Variants in MAP2 observed in about 807,000 individuals in gnomAD.
MAP2 encodes microtubule associated protein 2.
In MAP2, 14 loss-of-function variants were observed where a neutral mutation model predicts 137.6. The ratio of observed to expected loss-of-function variants is 0.10; its 90% confidence interval spans 0.07 to 0.16. The LOEUF is 0.16. MAP2 is among the 10% of genes least tolerant of loss of function. MAP2 has a pLI of 1.00. For synonymous variants in MAP2, 786 were observed against 782.3 expected (o/e 1.00, Z -0.08); for missense variants, 2,088 against 2,191.5 (o/e 0.95, Z 0.94).
At chr2:209,619,004 A>G (rs1050232027) in intron 3 of MAP2, among the ~76,000 whole-genome samples, 2 of 152,206 alleles carry the variant, frequency 1.3e-5, no homozygotes, top group East Asian at 3.8e-4. Flanking sequence ...ATTATGTTAC[A>G]TGAAATAAGA....
chr2:209,460,901 A>G (rs896124150), intron 1 of MAP2, among the ~76,000 whole-genome samples: 3 of 151,866 alleles, frequency 2.0e-5, no homozygotes, highest in African/African-American at 4.8e-5. Context: ...GGCACGCACC[A>G]CCACACCCAG....
chr2:209,712,427 G>A (rs2065817031), intron 13 of MAP2, among the ~76,000 whole-genome samples: 1 of 152,152 alleles, frequency 6.6e-6, no homozygotes, highest in Non-Finnish European at 1.5e-5. Flanking sequence ...CATCAGGCAA[G>A]TGTTAACCTG....
chr2:209,526,285 T>C (rs1421008577), intron 2 of MAP2, among the ~76,000 whole-genome samples: 2 of 151,978 alleles, frequency 1.3e-5, no homozygotes, highest in African/African-American at 2.4e-5. Flanking sequence ...CTCATGAAAA[T>C]GCAGAAAATT....
intron 7 of MAP2, among the ~76,000 whole-genome samples, chr2:209,686,491 T>C (rs1173722833): frequency 6.6e-6 from 1 of 152,174 alleles, no homozygotes; most frequent in Non-Finnish European, 1.5e-5. Context: ...ACTGTACAGA[T>C]AGATACTATA....
At chr2:209,640,034 C>T (rs73071097) in intron 4 of MAP2, among the ~76,000 whole-genome samples, 4,931 of 152,106 alleles carry the variant, frequency 0.032, 248 homozygotes, top group African/African-American at 0.11. Flanking sequence ...ACAAACAAAA[C>T]AAAAACAAAA....
chr2:209,617,997 AG>A (rs2090049993), intron 3 of MAP2, among the ~76,000 whole-genome samples: 1 of 152,190 alleles, frequency 6.6e-6, no homozygotes, highest in Admixed American at 6.5e-5. Context: ...AGAAAAAAAA[AG>A]GTCAGGGACA....
At chr2:209,431,645 C>T (rs1694315936) in intron 1 of MAP2, among the ~76,000 whole-genome samples, 1 of 152,040 alleles carries the variant, frequency 6.6e-6, no homozygotes, top group African/African-American at 2.4e-5. Context: ...GGAAGCAGGC[C>T]TGAGACTCAA....
intron 7 of MAP2, among the ~76,000 whole-genome samples, chr2:209,686,169 C>T (rs1037423554): frequency 6.6e-6 from 1 of 152,134 alleles, no homozygotes. Flanking sequence ...GCTGCGAAAT[C>T]GTGCCGAGTT....
At position 209,484,642 on chromosome 2, in the gene MAP2, A is replaced by G. The variant is rs577267336; in HGVS notation, c.-221-22950A>G. Among the ~76,000 whole-genome samples the G allele has an allele frequency of 5.3e-5, 8 of 152,342 alleles. No individual in the cohort carries two copies. The South Asian group carries it at 1.7e-3, about 32-fold the overall frequency. On this transcript the variant is annotated intron_variant, in intron 1 of 15. Transcript: ENST00000682079. ...GAGGTGGAGGTTGCAGTGAGCCGAG[A>G]TTGCACCACTGCAGTCTAACGTGGG...
Position 209,622,603 on chromosome 2 carries a change from A to G in MAP2, c.-106-2450A>G, listed in dbSNP as rs554120645. 1.2e-4 allele frequency among the ~76,000 whole-genome samples: 18 copies of G among 152,338 alleles called. No homozygotes were observed. The East Asian group carries it at 2.7e-3, about 23-fold the overall frequency. On this transcript the variant is annotated intron_variant, in intron 3 of 15. Coordinates refer to ENST00000682079, the MANE Select transcript of MAP2 (RefSeq NM_001375505.1). ...TTTAGGCATGTTGCAGCCACTTTAT[A>G]TAATGAATCTAATGTTAAAACTATG... is the stretch of plus-strand genomic sequence containing the variant.
In MAP2 at chr2:209,733,743, G is replaced by A. The variant is rs945531425; in HGVS notation, c.*3346G>A. The A allele has an allele frequency of 8.5e-5, 13 of 152,408 alleles. No homozygotes were observed. Among genetic ancestry groups the A allele is most frequent in the Non-Finnish European group, 1.3e-4 (9 of 68,010 alleles). 9.4% of individuals were successfully genotyped at this position (152,408 alleles called of 1,614,324 possible). A position where few individuals can be genotyped will look rare whatever the true frequency, so the allele number is the denominator to read the frequency against. ...TTGACGTGCTAAAATAAGCATTGAT[G>A]TTTTGAGTTTTTTTACACCTAGGAT... is the stretch of plus-strand genomic sequence containing the variant. On this transcript the variant is annotated 3_prime_UTR_variant, in exon 16 of 16. Coordinates refer to ENST00000682079, the MANE Select transcript of MAP2 (RefSeq NM_001375505.1).
intron 4 of MAP2, among the ~76,000 whole-genome samples, chr2:209,651,846 T>G (rs575051037): frequency 6.6e-6 from 1 of 152,288 alleles, no homozygotes; most frequent in African/African-American, 2.4e-5. Flanking sequence ...CAAAATTCAG[T>G]TAAAAAACCC....
At chr2:209,468,321 T>C (rs1031829350) in intron 1 of MAP2, among the ~76,000 whole-genome samples, 5 of 138,056 alleles carry the variant, frequency 3.6e-5, no homozygotes, top group African/African-American at 1.3e-4. Context: ...GTGTTTCTTT[T>C]TTTTTTTTTT....
rs544937515 is a variant in MAP2 at position 209,547,286 on chromosome 2, C to T, written c.-171-32750C>T. Among the ~76,000 whole-genome samples, 451 of 151,926 alleles carry T rather than the reference C, an allele frequency of 3.0e-3. 2 individuals are homozygous for T. The highest frequency in any genetic ancestry group is 5.3e-3 in the Non-Finnish European group (358 of 67,990). On this transcript the variant is annotated intron_variant, in intron 2 of 15. Transcript: ENST00000682079. The stretch of plus-strand genomic sequence containing the variant: ...CACCCTTCACACAGAGCCACTACCC[C>T]CCACAAAAAGAAGACCTACAAAACA...
chr2:209,652,672 G>C (rs1301924948), intron 4 of MAP2, among the ~76,000 whole-genome samples: 1 of 152,044 alleles, frequency 6.6e-6, no homozygotes, highest in African/African-American at 2.4e-5. Flanking sequence ...AATTTTTCAT[G>C]GTATAGAATT....
intron 3 of MAP2, among the ~76,000 whole-genome samples, chr2:209,623,948 G>T (rs1173177604): frequency 6.6e-6 from 1 of 152,118 alleles, no homozygotes; most frequent in African/African-American, 2.4e-5. Flanking sequence ...GCTGCACATT[G>T]TGTGTAAATA....
intron 2 of MAP2, among the ~76,000 whole-genome samples, chr2:209,559,737 G>A (rs2071566101): frequency 6.6e-6 from 1 of 151,932 alleles, no homozygotes; most frequent in Non-Finnish European, 1.5e-5. Flanking sequence ...TCATTAGTCA[G>A]TCCTTCAACA....
chr2:209,723,599 G>C (rs1257200167), intron 13 of MAP2: 2 of 1,606,902 alleles, frequency 1.2e-6, no homozygotes, highest in Non-Finnish European at 1.7e-6. Flanking sequence ...TTTTAGGTTA[G>C]GATTTTAAAC....
intron 1 of MAP2, among the ~76,000 whole-genome samples, chr2:209,429,969 G>A (rs887314977): frequency 2.0e-5 from 3 of 151,748 alleles, no homozygotes; most frequent in Non-Finnish European, 2.9e-5. Context: ...TATTTTATTT[G>A]GGTATTGTAC....
Sources: allele counts gnomAD v4.1 joint callset (sites outside exome capture counted in the v4.1 genomes callset), GRCh38; gene constraint gnomAD v4.1.1; transcripts MANE v1.5; gene names NCBI Gene and HGNC (gene_info 2026-07-23, HGNC 2026-07-21).